Variants in PARD3B observed in about 807,000 individuals in gnomAD.
The protein encoded by PARD3B is partitioning defective 3 homolog B.
In PARD3B, 103 loss-of-function variants were observed where a neutral mutation model predicts 130.2. The observed-to-expected ratio is 0.79, with a 90% CI of 0.67 to 0.93. PARD3B has a LOEUF of 0.93. PARD3B is among the 40% of genes least tolerant of loss of function. The pLI, the probability that PARD3B is intolerant of heterozygous loss-of-function variation, is 0.00. For synonymous variants in PARD3B, 583 were observed against 553.2 expected, an observed-to-expected ratio of 1.05 and a Z score of -0.76; for missense variants, 1,609 against 1,499.2, an observed-to-expected ratio of 1.07 and a Z score of -1.21.
At chr2:205,449,352 C>T (rs2048020364) in intron 20 of PARD3B, among the ~76,000 whole-genome samples, 1 of 151,326 alleles carries the variant, frequency 6.6e-6, no homozygotes, top group African/African-American at 2.4e-5. Context: ...GCCTCAGCCT[C>T]CCGAGTAGCT....
At chr2:205,260,377 A>T (rs2040255968) in intron 16 of PARD3B, among the ~76,000 whole-genome samples, 1 of 152,230 alleles carries the variant, frequency 6.6e-6, no homozygotes, top group African/African-American at 2.4e-5. Flanking sequence ...TGGAATAGGG[A>T]TGTACAACCT....
intron 16 of PARD3B, among the ~76,000 whole-genome samples, chr2:205,279,510 C>T (rs2105830764): frequency 6.6e-6 from 1 of 152,284 alleles, no homozygotes; most frequent in African/African-American, 2.4e-5. Flanking sequence ...ATTATTAAAA[C>T]ATCAGATTGT....
At chr2:205,356,806 G>T (rs779231238) in intron 18 of PARD3B, among the ~76,000 whole-genome samples, 1 of 149,640 alleles carries the variant, frequency 6.7e-6, no homozygotes, top group African/African-American at 2.5e-5. Context: ...CAGGAGAACC[G>T]CTTAAACCCA....
chr2:204,916,894 C>T (rs533978444), intron 2 of PARD3B, among the ~76,000 whole-genome samples: 47 of 152,144 alleles, frequency 3.1e-4, no homozygotes, highest in African/African-American at 9.9e-4. Flanking sequence ...TTATTGAGTA[C>T]CAGTAAACTT....
rs191972551 is a variant in PARD3B at position 205,006,466 on chromosome 2, C to T, written c.395-41115C>T. Among the ~76,000 whole-genome samples, 235 of 152,282 alleles carry T rather than the reference C, an allele frequency of 1.5e-3. 1 individual carries two copies. Among genetic ancestry groups the T allele is most frequent in the African/African-American group, 5.2e-3 (214 of 41,548 alleles). On this transcript the variant is annotated intron_variant, in intron 3 of 22. Transcript: ENST00000406610. ...CCCCTTTTCACTATATCCACACCAACATCTATTGTTTTTTGACTTTTTAAT... is the reference window on the plus strand; with the variant it reads ...CCCCTTTTCACTATATCCACACCAATATCTATTGTTTTTTGACTTTTTAAT...
At chr2:204,660,835 G>A (rs1199897736) in intron 1 of PARD3B, among the ~76,000 whole-genome samples, 1 of 152,206 alleles carries the variant, frequency 6.6e-6, no homozygotes, top group African/African-American at 2.4e-5. Flanking sequence ...TGAAAATCTA[G>A]TTGATCTTAA....
chr2:205,235,492 C>T (rs1157531487), intron 15 of PARD3B, among the ~76,000 whole-genome samples: 3 of 152,016 alleles, frequency 2.0e-5, no homozygotes, highest in Non-Finnish European at 4.4e-5. Flanking sequence ...TGCCCCAGGA[C>T]CCCCAGTGGA....
chr2:204,638,831 G>A (rs2034978656), intron 1 of PARD3B, among the ~76,000 whole-genome samples: 1 of 152,122 alleles, frequency 6.6e-6, no homozygotes, highest in Non-Finnish European at 1.5e-5. Context: ...CAGAACTTTA[G>A]ACCCCTTTGA....
chr2:205,175,921 G>A (rs1345225607), intron 12 of PARD3B, among the ~76,000 whole-genome samples: 1 of 152,180 alleles, frequency 6.6e-6, no homozygotes, highest in Admixed American at 6.5e-5. Flanking sequence ...CAGGAGAACT[G>A]CTGTCTGGCG....
intron 18 of PARD3B, among the ~76,000 whole-genome samples, chr2:205,304,226 T>A (rs925177363): frequency 6.6e-6 from 1 of 152,176 alleles, no homozygotes; most frequent in Non-Finnish European, 1.5e-5. Flanking sequence ...GCTCAAAATC[T>A]TGGGAGCGAT....
At chr2:204,579,458 T>C (rs2032435784) in intron 1 of PARD3B, among the ~76,000 whole-genome samples, 1 of 152,120 alleles carries the variant, frequency 6.6e-6, no homozygotes, top group South Asian at 2.1e-4. Flanking sequence ...CTGGGAACAA[T>C]GCCTTTGGCA....
intron 2 of PARD3B, among the ~76,000 whole-genome samples, chr2:204,798,779 C>A (rs2042462680): frequency 6.6e-6 from 1 of 152,050 alleles, no homozygotes; most frequent in Non-Finnish European, 1.5e-5. Context: ...CTAAACACAC[C>A]TTGGGCCAGA....
At chr2:204,953,395 A>C (rs1001133214) in intron 2 of PARD3B, among the ~76,000 whole-genome samples, 1 of 150,534 alleles carries the variant, frequency 6.6e-6, no homozygotes, top group African/African-American at 2.4e-5. Context: ...GTGAATTGAC[A>C]TATATATGTT....
At position 204,729,998 on chromosome 2, in the gene PARD3B, AACACACACACACACACAC is replaced by A. The variant is rs3036396; in HGVS notation, c.222+43736_222+43753del. Among the ~76,000 whole-genome samples, 13 of 141,366 alleles carry A rather than the reference AACACACACACACACACAC, an allele frequency of 9.2e-5. No homozygotes were observed. The East Asian group carries it at 2.3e-3, about 25-fold the overall frequency. The allele number at this position is 141,366 out of a possible 152,430, so 92.7% of individuals were successfully genotyped here. On this transcript the variant is annotated intron_variant, in intron 2 of 22. Transcript: ENST00000406610. ...CTAGTTACAGATACACACACACACAAACACACACACACACACACACACACACACACACACACAGTGACT... is the reference window on the plus strand; with the variant it reads ...CTAGTTACAGATACACACACACACAAACACACACACACACACACAGTGACT...
chr2:204,824,450 C>T (rs528162972), intron 2 of PARD3B, among the ~76,000 whole-genome samples: 6 of 152,214 alleles, frequency 3.9e-5, no homozygotes, highest in South Asian at 2.1e-4. Context: ...CTCAGTGGCT[C>T]CTAGCTCTGG....
intron 2 of PARD3B, among the ~76,000 whole-genome samples, chr2:204,866,799 T>C (rs572802970): frequency 5.5e-4 from 83 of 152,178 alleles, no homozygotes; most frequent in African/African-American, 1.8e-3. Flanking sequence ...TAATGTATTA[T>C]AAAATATTGT....
At chr2:204,641,546 A>G (rs1280890247) in intron 1 of PARD3B, among the ~76,000 whole-genome samples, 2 of 152,190 alleles carry the variant, frequency 1.3e-5, no homozygotes, top group East Asian at 1.9e-4. Flanking sequence ...GGAATGAAGT[A>G]GTAATAATGC....
intron 14 of PARD3B, among the ~76,000 whole-genome samples, chr2:205,188,401 T>C (rs950598810): frequency 2.6e-5 from 4 of 152,140 alleles, no homozygotes; most frequent in Non-Finnish European, 5.9e-5. Context: ...TGGAGAAGCA[T>C]TGAAGCGCTT....
chr2:204,917,708 A>G (rs1445319937), intron 2 of PARD3B, among the ~76,000 whole-genome samples: 1 of 152,204 alleles, frequency 6.6e-6, no homozygotes, highest in Non-Finnish European at 1.5e-5. Context: ...GTTTTAACTG[A>G]CAGTGTAGCC....
Sources: gnomAD v4.1 joint callset for allele counts (sites outside exome capture counted in the v4.1 genomes callset) on GRCh38, gnomAD v4.1.1 for gene constraint, MANE v1.5 for transcripts, NCBI Gene and HGNC (gene_info 2026-07-23, HGNC 2026-07-21) for gene names.